NR6A1: variants seen among roughly 807,000 people sequenced by gnomAD.
NR6A1 encodes the protein nuclear receptor subfamily 6 group A member 1.
In NR6A1, 7 loss-of-function variants were observed where a neutral mutation model predicts 59.1. The ratio of observed to expected loss-of-function variants is 0.12; its 90% CI spans 0.07 to 0.22. The LOEUF (loss-of-function observed/expected upper bound fraction) is 0.22, where lower values mean the gene tolerates loss of function less well. Among genes scored for constraint, NR6A1 ranks in the 10% least tolerant of loss-of-function variants. The pLI is 1.00. For missense variants in NR6A1, 468 were observed against 611.6 expected, an observed-to-expected ratio of 0.77 and a Z score of 2.48; for synonymous variants, 243 against 236.1, an observed-to-expected ratio of 1.03 and a Z score of -0.27.
intron 1 of NR6A1, among the ~76,000 whole-genome samples, chr9:124,734,594 G>A (rs1839970339): frequency 6.6e-6 from 1 of 152,192 alleles, no homozygotes; most frequent in South Asian, 2.1e-4. Context: ...TCGGGAGGCT[G>A]AGGCAGGAGA....
rs575120225 is a variant in NR6A1 at position 124,617,829 on chromosome 9, T to C, written c.143-63259A>G. ...ATGGCAGACCCTCGTACCTGCAAGA[T>C]AACTGGGATTATCCACAACTAGCAA... is the stretch of plus-strand genomic sequence containing the variant. On this transcript the variant is annotated intron_variant, in intron 2 of 9. Coordinates refer to ENST00000487099, the MANE Select transcript of NR6A1 (RefSeq NM_033334.4). 2.0e-5 allele frequency among the ~76,000 whole-genome samples: 3 copies of C among 152,252 alleles called. No homozygotes were observed. The South Asian group carries it at 6.2e-4, about 32-fold the overall frequency.
intron 2 of NR6A1, among the ~76,000 whole-genome samples, chr9:124,635,485 T>A (rs1836581908): frequency 1.3e-5 from 2 of 152,358 alleles, no homozygotes; most frequent in African/African-American, 2.4e-5. Flanking sequence ...TGTGAAGAGA[T>A]GCCTTCCACC....
At chr9:124,692,426 G>A (rs760456773) in intron 2 of NR6A1, 8 of 525,660 alleles carry the variant, frequency 1.5e-5, no homozygotes, top group African/African-American at 5.8e-5. Context: ...TTCTTGGGAT[G>A]TGGATGGGAG....
At chr9:124,735,370 C>G (rs888542107) in intron 1 of NR6A1, among the ~76,000 whole-genome samples, 3 of 152,316 alleles carry the variant, frequency 2.0e-5, no homozygotes, top group Non-Finnish European at 2.9e-5. Flanking sequence ...TTCCACTAGA[C>G]AGTGAAATCT....
chr9:124,760,310 T>TA (rs916695745), intron 1 of NR6A1, among the ~76,000 whole-genome samples: 26 of 148,280 alleles, frequency 1.8e-4, no homozygotes, highest in Admixed American at 1.0e-3. Context: ...AGACTCCAAC[T>TA]AAAAAAAAAT....
intron 2 of NR6A1, among the ~76,000 whole-genome samples, chr9:124,709,222 C>T (rs533933492): frequency 2.0e-4 from 30 of 152,180 alleles, no homozygotes; most frequent in Non-Finnish European, 3.8e-4. Context: ...TATTTCCTGA[C>T]TGAAGTAATC....
chr9:124,533,482 C>A (rs1833156803), intron 7 of NR6A1, among the ~76,000 whole-genome samples: 1 of 152,114 alleles, frequency 6.6e-6, no homozygotes, highest in Non-Finnish European at 1.5e-5. Context: ...GCTGACTCCT[C>A]CCTCCCCTAG....
chr9:124,526,722 T>C, intron 8 of NR6A1, 57 bp downstream of exon 8: 4 of 1,602,384 alleles, frequency 2.5e-6, no homozygotes, highest in Non-Finnish European at 3.4e-6. Context: ...GGAGGGCAAA[T>C]GCTCACTGCC....
At chr9:124,698,004 G>A (rs751687618) in intron 2 of NR6A1, among the ~76,000 whole-genome samples, 16 of 152,154 alleles carry the variant, frequency 1.1e-4, no homozygotes, top group Non-Finnish European at 2.1e-4. Context: ...TGTGTGTTTT[G>A]TAAGCGCTGC....
At chr9:124,557,025 G>A (rs529476553) in intron 2 of NR6A1, among the ~76,000 whole-genome samples, 1 of 152,170 alleles carries the variant, frequency 6.6e-6, no homozygotes, top group Non-Finnish European at 1.5e-5. Flanking sequence ...GGTTCTTGAG[G>A]ACTCTACAGT....
At chr9:124,760,393 G>A (rs1000060449) in intron 1 of NR6A1, among the ~76,000 whole-genome samples, 2 of 152,162 alleles carry the variant, frequency 1.3e-5, no homozygotes, top group African/African-American at 4.8e-5. Flanking sequence ...AATTCTAAGA[G>A]TGGGTCTTTT....
At chr9:124,764,108 C>A (rs749868929) in intron 1 of NR6A1, among the ~76,000 whole-genome samples, 29 of 151,458 alleles carry the variant, frequency 1.9e-4, no homozygotes, top group Admixed American at 5.9e-4. Flanking sequence ...CGCTTGAACC[C>A]AGGAAGCTGA....
At chr9:124,687,607 T>C (rs1307315015) in intron 2 of NR6A1, among the ~76,000 whole-genome samples, 1 of 152,154 alleles carries the variant, frequency 6.6e-6, no homozygotes, top group Non-Finnish European at 1.5e-5. Context: ...ACCTTTGAGA[T>C]TCTTTTTTTC....
intron 2 of NR6A1, among the ~76,000 whole-genome samples, chr9:124,719,353 T>C (rs1011134357): frequency 6.6e-6 from 1 of 152,146 alleles, no homozygotes; most frequent in African/African-American, 2.4e-5. Context: ...ATGACAGGAG[T>C]GAGCTACCTC....
At chr9:124,626,033 C>T (rs1032601265) in intron 2 of NR6A1, among the ~76,000 whole-genome samples, 3 of 152,156 alleles carry the variant, frequency 2.0e-5, no homozygotes, top group African/African-American at 7.2e-5. Flanking sequence ...TTTTGAGACA[C>T]AATTTCACTG....
At chr9:124,692,030 G>A (rs958480046) in intron 2 of NR6A1, among the ~76,000 whole-genome samples, 1 of 152,100 alleles carries the variant, frequency 6.6e-6, no homozygotes, top group African/African-American at 2.4e-5. Context: ...TATAACCTTG[G>A]CTCCTGGCAA....
intron 2 of NR6A1, among the ~76,000 whole-genome samples, chr9:124,638,673 A>C (rs558861769): frequency 6.6e-6 from 1 of 152,362 alleles, no homozygotes; most frequent in South Asian, 2.1e-4. Context: ...ATTTAAAATG[A>C]AATGCTAAGT....
intron 2 of NR6A1, among the ~76,000 whole-genome samples, chr9:124,704,500 T>C (rs1356432035): frequency 6.6e-6 from 1 of 151,922 alleles, no homozygotes; most frequent in Non-Finnish European, 1.5e-5. Context: ...AGCCTCAAAC[T>C]GCTGGGCTCA....
In NR6A1 at chr9:124,763,909, C is replaced by T. The variant is rs1448160949; in HGVS notation, c.100+7111G>A. On this transcript the variant is annotated intron_variant, in intron 1 of 9. Transcript: ENST00000487099. ...AGTTTTAAAAATGAAAACTGCCAGG[C>T]GCGGTGGCTCATGTCTGTAATCCCA... 2.6e-5 allele frequency among the ~76,000 whole-genome samples: 4 copies of T among 152,264 alleles called. 1 individual carries two copies. The highest frequency in any genetic ancestry group is 4.2e-4 in the South Asian group (2 of 4,814).
Sources: gnomAD v4.1 joint callset for allele counts (sites outside exome capture counted in the v4.1 genomes callset) on GRCh38, gnomAD v4.1.1 for gene constraint, MANE v1.5 for transcripts, NCBI Gene and HGNC (gene_info 2026-07-23, HGNC 2026-07-21) for gene names.